The following CREB5 variants were observed in gnomAD, a reference collection of about 807,000 sequenced individuals.
CREB5 encodes the protein cyclic AMP-responsive element-binding protein 5.
Under a neutral mutation model 57.1 loss-of-function variants are expected in CREB5, and 19 were observed. That is an observed-to-expected ratio of 0.33 (90% confidence interval 0.23 to 0.49). The LOEUF is 0.49. Among genes scored for constraint, CREB5 ranks in the 20% least tolerant of loss-of-function variants. The pLI is 0.99. For missense variants in CREB5, 579 were observed against 671.6 expected (o/e 0.86, Z 1.52); for synonymous variants, 238 against 238.3 (o/e 1.00, Z 0.01).
intron 7 of CREB5, among the ~76,000 whole-genome samples, chr7:28,774,708 A>G (rs1806522682): frequency 6.6e-6 from 1 of 152,220 alleles, no homozygotes; most frequent in African/African-American, 2.4e-5. Flanking sequence ...CACAGCCCCC[A>G]CTGCTATAGA....
intron 5 of CREB5, among the ~76,000 whole-genome samples, chr7:28,612,063 G>A (rs1245537172): frequency 6.6e-6 from 1 of 152,192 alleles, no homozygotes; most frequent in Non-Finnish European, 1.5e-5. Flanking sequence ...CATGATGCCA[G>A]GAAAGCTGTT....
At chr7:28,589,642 A>G (rs1195009917) in intron 5 of CREB5, among the ~76,000 whole-genome samples, 1 of 152,188 alleles carries the variant, frequency 6.6e-6, no homozygotes, top group Non-Finnish European at 1.5e-5. Flanking sequence ...AAATGCATAA[A>G]TCTTGAGTAT....
chr7:28,480,440 T>C (rs1300513706), intron 1 of CREB5, among the ~76,000 whole-genome samples: 2 of 152,244 alleles, frequency 1.3e-5, no homozygotes, highest in Non-Finnish European at 2.9e-5. Flanking sequence ...CTTTCTTTTC[T>C]GGAAAAATAG....
intron 5 of CREB5, among the ~76,000 whole-genome samples, chr7:28,714,073 C>T (rs753309749): frequency 3.9e-5 from 6 of 152,004 alleles, no homozygotes; most frequent in Admixed American, 1.3e-4. Context: ...CCACCTCCTG[C>T]GCTCAAGTGA....
At chr7:28,571,754 A>C (rs1795713159) in intron 5 of CREB5, among the ~76,000 whole-genome samples, 1 of 152,186 alleles carries the variant, frequency 6.6e-6, no homozygotes, top group Non-Finnish European at 1.5e-5. Flanking sequence ...TGCTCTTTCC[A>C]GCCTCATGAG....
intron 5 of CREB5, among the ~76,000 whole-genome samples, chr7:28,669,017 C>G (rs1260966378): frequency 6.6e-6 from 1 of 152,182 alleles, no homozygotes; most frequent in East Asian, 1.9e-4. Context: ...TACTGTGCAT[C>G]AGAAATTCTT....
chr7:28,624,486 G>A (rs1161667247), intron 5 of CREB5, among the ~76,000 whole-genome samples: 1 of 152,130 alleles, frequency 6.6e-6, no homozygotes, highest in Non-Finnish European at 1.5e-5. Context: ...TAAAAAAGTT[G>A]AATTTCATAC....
chr7:28,778,295 T>G (rs947198510), intron 7 of CREB5, among the ~76,000 whole-genome samples: 2 of 152,346 alleles, frequency 1.3e-5, no homozygotes, highest in African/African-American at 4.8e-5. Context: ...GACAAGGCAT[T>G]AGCTTTTGAA....
At chr7:28,733,155 TA>T (rs1803761335) in intron 7 of CREB5, among the ~76,000 whole-genome samples, 2 of 152,160 alleles carry the variant, frequency 1.3e-5, no homozygotes, top group African/African-American at 4.8e-5. Context: ...TTCCAGAGAT[TA>T]AAAAGTGCAA....
chr7:28,595,913 A>G (rs1409874547), intron 5 of CREB5, among the ~76,000 whole-genome samples: 1 of 152,228 alleles, frequency 6.6e-6, no homozygotes, highest in Admixed American at 6.5e-5. Flanking sequence ...GACAGATATC[A>G]TATGCCTCCC....
chr7:28,541,471 C>A (rs182675283), intron 4 of CREB5, among the ~76,000 whole-genome samples: 113 of 152,168 alleles, frequency 7.4e-4, no homozygotes, highest in Admixed American at 2.4e-3. Flanking sequence ...AGTTCCAGAC[C>A]AGCCTGGCCA....
At chr7:28,501,502 C>CT (rs1333484810) in intron 3 of CREB5, among the ~76,000 whole-genome samples, 2 of 152,232 alleles carry the variant, frequency 1.3e-5, no homozygotes, top group South Asian at 2.1e-4. Context: ...CTGCAGTATT[C>CT]TTTTTTATAT....
chr7:28,658,953 G>GTGTGTGTA (rs1400561698), intron 5 of CREB5, among the ~76,000 whole-genome samples: 1 of 99,604 alleles, frequency 1.0e-5, no homozygotes, highest in African/African-American at 3.3e-5. Context: ...GTGTGTGTGT[G>GTGTGTGTA]TATATATATA....
chr7:28,716,266 G>A (rs942551494), intron 5 of CREB5, among the ~76,000 whole-genome samples: 1 of 152,010 alleles, frequency 6.6e-6, no homozygotes, highest in African/African-American at 2.4e-5. Context: ...TTTTTCATAT[G>A]TCCCATTGGA....
chr7:28,314,240 G>A (rs1583664637), intron 1 of CREB5, among the ~76,000 whole-genome samples: 2 of 152,190 alleles, frequency 1.3e-5, no homozygotes, highest in East Asian at 3.8e-4. Context: ...ATGATTAAAA[G>A]CACAACAGTC....
At chr7:28,804,104 T>C (rs1336358488) in intron 7 of CREB5, 95 bp from the exon 8 acceptor site, 5 of 1,149,314 alleles carry the variant, frequency 4.4e-6, no homozygotes, top group African/African-American at 3.1e-5. Context: ...TCGTAAAATA[T>C]AGAATTGAAA....
At chr7:28,812,724 G>C (rs1583805516) in intron 9 of CREB5, among the ~76,000 whole-genome samples, 1 of 152,314 alleles carries the variant, frequency 6.6e-6, no homozygotes, top group Non-Finnish European at 1.5e-5. Flanking sequence ...GGATGCTGGA[G>C]AGGATGCTGC....
In CREB5 at chr7:28,350,560, G is replaced by A. The variant is rs1011682934; in HGVS notation, c.-25+51119G>A. ...CCCTTAATCTAGTAGCTGTTGAGAT[G>A]GAAAAAAAAACAAGCAAACAAAAAA... is the stretch of plus-strand genomic sequence containing the variant. On this transcript the variant is annotated intron_variant, in intron 1 of 9. Transcript: ENST00000396299. Among the ~76,000 whole-genome samples, 6 of 150,858 alleles carry A rather than the reference G, an allele frequency of 4.0e-5. No individual in the cohort carries two copies. In the East Asian group the frequency reaches 1.2e-3, roughly 29 times the overall value.
intron 5 of CREB5, among the ~76,000 whole-genome samples, chr7:28,598,460 T>C (rs1796775503): frequency 6.6e-6 from 1 of 152,206 alleles, no homozygotes; most frequent in Non-Finnish European, 1.5e-5. Flanking sequence ...TGGGGTGTTT[T>C]TAAAGCTGCC....
Sources: gnomAD v4.1 joint callset for allele counts (sites outside exome capture counted in the v4.1 genomes callset) on GRCh38, gnomAD v4.1.1 for gene constraint, MANE v1.5 for transcripts, NCBI Gene and HGNC (gene_info 2026-07-23, HGNC 2026-07-21) for gene names.